The following PSD2 variants were observed in gnomAD, a reference collection of about 807,000 sequenced individuals.
PSD2 encodes the protein PH and SEC7 domain-containing protein 2.
A neutral mutation model predicts 69.8 loss-of-function variants in PSD2; 38 were observed. The ratio of observed to expected loss-of-function variants is 0.54; its 90% CI spans 0.42 to 0.71. PSD2 has a LOEUF of 0.71. Ranked by LOEUF, PSD2 falls within the 30% of genes least tolerant of loss-of-function variation. The pLI, the probability that PSD2 is intolerant of heterozygous loss-of-function variation, is 0.00. For synonymous variants in PSD2, 412 were observed against 423.0 expected (o/e 0.97, Z 0.32); for missense variants, 943 against 1,014.5 (o/e 0.93, Z 0.96).
the PSD2 span, among the ~76,000 whole-genome samples, chr5:139,769,276 C>T: frequency 1.3e-5 from 2 of 151,622 alleles, no homozygotes; most frequent in East Asian, 1.9e-4. Flanking sequence ...CAGGTGGCGG[C>T]GGGGGTTGGG....
chr5:139,747,364 T>TC, the PSD2 span, among the ~76,000 whole-genome samples: 8 of 151,656 alleles, frequency 5.3e-5, no homozygotes, highest in East Asian at 1.9e-4. The surrounding 1 kb of genome is among the most constrained non-coding windows in gnomAD (Gnocchi z 6.7). Flanking sequence ...AGACGCAGCC[T>TC]CCCCCCCAGC....
chr5:139,779,253 A>G, the PSD2 span, among the ~76,000 whole-genome samples: 1 of 152,292 alleles, frequency 6.6e-6, no homozygotes, highest in East Asian at 1.9e-4. Flanking sequence ...CACTGCACCC[A>G]ATTTGTGGTC....
At chr5:139,784,762 C>T in the PSD2 span, among the ~76,000 whole-genome samples, 4 of 151,968 alleles carry the variant, frequency 2.6e-5, no homozygotes, top group African/African-American at 9.7e-5. Context: ...AAATTCCCCC[C>T]CTTTTTTTTT....
chr5:139,821,936 C>T lies in PSD2; in HGVS notation c.1141C>T (p.Arg381Cys), dbSNP rs770918457. The T allele has an allele frequency of 5.0e-6, 8 of 1,610,164 alleles. No individual in the cohort carries two copies. The East Asian group carries it at 6.7e-5, about 13-fold the overall frequency. The change falls in exon 6 of 15, where the codon CGT (arginine) becomes TGT (cysteine). Residue 381 changes from arginine (R) to cysteine (C), a missense_variant. Coordinates refer to ENST00000274710, the MANE Select transcript of PSD2 (RefSeq NM_032289.4). ...AFPLMGETQE[R>C]ERVLTHFSRR... Reference sequence around the variant, plus strand: ...CCCGCTGATGGGGGAGACACAAGAGCGTGAGCGGGTCCTCACACACTTCTC... The same window carrying T: ...CCCGCTGATGGGGGAGACACAAGAGTGTGAGCGGGTCCTCACACACTTCTC...
chr5:139,835,727 T>C lies in PSD2; in HGVS notation c.1364T>C (p.Leu455Pro), dbSNP rs1430258780. The C allele has an allele frequency of 6.2e-7, 1 of 1,614,104 alleles. No individual in the cohort carries two copies. Among genetic ancestry groups the C allele is most frequent in the Non-Finnish European group, 8.5e-7 (1 of 1,179,920 alleles). The change falls in exon 9 of 15, where the codon CTT becomes CCT. Residue 455 changes from leucine (L) to proline (P), a missense_variant. Coordinates refer to ENST00000274710, the MANE Select transcript of PSD2 (RefSeq NM_032289.4). ...TCTCTCTTTTCCCTCTCCCAGACCC[T>C]TTACAACTCCATCAAGAATGAAAAG... ...QDFAKDLLKT[L>P]YNSIKNEKLE...
chr5:139,765,906 A>G, the PSD2 span, among the ~76,000 whole-genome samples: 1 of 78,020 alleles, frequency 1.3e-5, no homozygotes, highest in Non-Finnish European at 3.6e-5. Flanking sequence ...ACAGCTTCCT[A>G]GGCCGATGAG....
the PSD2 span, among the ~76,000 whole-genome samples, chr5:139,768,601 TA>T: frequency 6.6e-6 from 1 of 151,896 alleles, no homozygotes; most frequent in Non-Finnish European, 1.5e-5. Flanking sequence ...CGCATGCCTG[TA>T]ATCCCAGCTA....
the PSD2 span, among the ~76,000 whole-genome samples, chr5:139,764,265 G>A: frequency 5.9e-5 from 9 of 152,218 alleles, no homozygotes; most frequent in Non-Finnish European, 7.3e-5. Context: ...CGCCACAACC[G>A]CAGTGGCCAG....
upstream of PSD2, among the ~76,000 whole-genome samples, chr5:139,795,292 C>T (rs1759490478): frequency 6.6e-6 from 1 of 152,178 alleles, no homozygotes; most frequent in Non-Finnish European, 1.5e-5. This position sits in a 1 kb window ranked among gnomAD's most constrained non-coding sequence, Gnocchi z 4.5. Context: ...TTCACCTTGG[C>T]CCCCCGCACT....
At chr5:139,834,457 A>T (rs1349201339) in intron 8 of PSD2, among the ~76,000 whole-genome samples, 2 of 146,586 alleles carry the variant, frequency 1.4e-5, no homozygotes, top group African/African-American at 5.1e-5. Context: ...GGCGATTTTT[A>T]TTTTTATGCT....
intron 1 of PSD2, among the ~76,000 whole-genome samples, chr5:139,799,287 C>A (rs1759607867): frequency 6.6e-6 from 1 of 152,114 alleles, no homozygotes; most frequent in Non-Finnish European, 1.5e-5. Flanking sequence ...CTGACTGAAC[C>A]CCTACATCAG....
chr5:139,755,296 G>A, the PSD2 span, among the ~76,000 whole-genome samples: 5 of 152,178 alleles, frequency 3.3e-5, no homozygotes, highest in South Asian at 4.1e-4. Context: ...GTGAGTGTGG[G>A]TGTGAAATGG....
At chr5:139,771,821 T>G in the PSD2 span, among the ~76,000 whole-genome samples, 1 of 152,118 alleles carries the variant, frequency 6.6e-6, no homozygotes, top group Admixed American at 6.5e-5. Flanking sequence ...CTCTCAGACT[T>G]CAAGATGCTG....
At chr5:139,765,286 A>G in the PSD2 span, among the ~76,000 whole-genome samples, 1 of 151,942 alleles carries the variant, frequency 6.6e-6, no homozygotes, top group Non-Finnish European at 1.5e-5. Context: ...ACATGCACTC[A>G]GGGCCCCCGT....
At chr5:139,811,783 T>C (rs2004541) in intron 2 of PSD2, among the ~76,000 whole-genome samples, 42,406 of 151,922 alleles carry the variant, frequency 0.28, 6,593 homozygotes, top group African/African-American at 0.42. Flanking sequence ...TTAGTAGAGA[T>C]GGGGTTTCAT....
the PSD2 span, among the ~76,000 whole-genome samples, chr5:139,763,658 A>T: frequency 1.3e-5 from 2 of 152,304 alleles, no homozygotes; most frequent in East Asian, 3.9e-4. Context: ...TCCTCTCGGA[A>T]TGGAGGCCAG....
rs373572959 is a variant in PSD2, at chr5:139,814,139, C to T, written c.822-31C>T. On this transcript the variant is annotated intron_variant, in intron 3 of 14. Transcript: ENST00000274710. The surrounding 1 kb of genome is among the most constrained non-coding windows in gnomAD (Gnocchi z 4.4). Reference sequence around the variant, plus strand: ...GGGGCCTTTGACCCTGGGCCTCTGACGCTACTCTTCCACCCACCTTCCATC... The same window carrying T: ...GGGGCCTTTGACCCTGGGCCTCTGATGCTACTCTTCCACCCACCTTCCATC... 2.5e-4 allele frequency: 397 copies of T among 1,605,058 alleles called. No individual in the cohort carries two copies. Among genetic ancestry groups the T allele is most frequent in the Middle Eastern group, 1.5e-3 (9 of 5,994 alleles).
At chr5:139,833,670 T>TA (rs765862673) in intron 7 of PSD2, 32 bp from the exon 8 acceptor site, 11 of 1,546,510 alleles carry the variant, frequency 7.1e-6, no homozygotes, top group Non-Finnish European at 9.8e-6. Flanking sequence ...CCTCCTTCCC[T>TA]ACTCTTAGGC....
intron 7 of PSD2, among the ~76,000 whole-genome samples, chr5:139,823,723 G>T (rs751836155): frequency 6.6e-6 from 1 of 152,198 alleles, no homozygotes; most frequent in Non-Finnish European, 1.5e-5. Context: ...AAGGGGCAGG[G>T]TCTGGCACCT....
Sources: allele counts gnomAD v4.1 joint callset (sites outside exome capture counted in the v4.1 genomes callset), GRCh38; gene constraint gnomAD v4.1.1; non-coding constraint Gnocchi (gnomAD v3.1); transcripts MANE v1.5; gene names NCBI Gene and HGNC (gene_info 2026-07-23, HGNC 2026-07-21).